RAB11FIP4: variants seen among roughly 807,000 people sequenced by gnomAD.
RAB11FIP4 encodes the protein rab11 family-interacting protein 4.
RAB11FIP4 carries 23 observed loss-of-function variants against 74.3 expected under a neutral mutation model. The ratio of observed to expected loss-of-function variants is 0.31; its 90% CI spans 0.22 to 0.44. RAB11FIP4 has a LOEUF of 0.44. Ranked by LOEUF, RAB11FIP4 falls within the 20% of genes least tolerant of loss-of-function variation. The probability of loss-of-function intolerance (pLI) is 1.00; values close to 1 mark genes in which losing one functional copy is unlikely to be tolerated. For synonymous variants in RAB11FIP4, 360 were observed against 359.9 expected (o/e 1.00, Z 0.00); for missense variants, 630 against 863.9 (o/e 0.73, Z 3.39).
At chr17:31,481,961 G>A (rs72815686) in intron 3 of RAB11FIP4, among the ~76,000 whole-genome samples, 113 of 152,158 alleles carry the variant, frequency 7.4e-4, no homozygotes, top group Non-Finnish European at 1.5e-3. Flanking sequence ...AAATCATCCC[G>A]GCCAGTGGAC....
Position 31,531,828 on chromosome 17 carries a change from T to C in RAB11FIP4, c.*96T>C, listed in dbSNP as rs1009784998. The C allele has an allele frequency of 1.2e-5, 9 of 771,586 alleles. No homozygotes were observed. Among genetic ancestry groups the C allele is most frequent in the Non-Finnish European group, 2.0e-5 (9 of 445,038 alleles). 47.8% of individuals were successfully genotyped at this position (771,586 alleles called of 1,614,324 possible). A position where few individuals can be genotyped will look rare whatever the true frequency, so the allele number is the denominator to read the frequency against. Reference sequence around the variant, plus strand: ...CCTAAGCCGGGCCTCACACTCACACTGTAAATGTCTCTCTGGCCACCATGC... The same window carrying C: ...CCTAAGCCGGGCCTCACACTCACACCGTAAATGTCTCTCTGGCCACCATGC... On this transcript the variant is annotated 3_prime_UTR_variant, in exon 15 of 15. Transcript: ENST00000621161.
chr17:31,500,994 G>T (rs2142769119), intron 3 of RAB11FIP4, among the ~76,000 whole-genome samples: 1 of 150,596 alleles, frequency 6.6e-6, no homozygotes, highest in Middle Eastern at 3.5e-3. Context: ...CTGCACTCCA[G>T]CCTGGTGACA....
At chr17:31,445,575 T>TAC (rs1567658412) in intron 3 of RAB11FIP4, among the ~76,000 whole-genome samples, 51 of 10,990 alleles carry the variant, frequency 4.6e-3, no homozygotes, top group African/African-American at 0.015. Context: ...TATATATATA[T>TAC]ATATTTTTTT....
intron 3 of RAB11FIP4, among the ~76,000 whole-genome samples, chr17:31,515,137 A>C (rs2072522871): frequency 6.6e-6 from 1 of 152,164 alleles, no homozygotes. Context: ...GTGGGATAAT[A>C]TGTGAATGCC....
chr17:31,525,050 G>T, intron 9 of RAB11FIP4, 40 bp from the exon 10 acceptor site: 2 of 1,549,374 alleles, frequency 1.3e-6, no homozygotes, highest in Non-Finnish European at 1.7e-6. Context: ...GGGGTGAAAT[G>T]GTGCAGGCCC....
At chr17:31,473,830 C>T (rs967868096) in intron 3 of RAB11FIP4, among the ~76,000 whole-genome samples, 6 of 152,162 alleles carry the variant, frequency 3.9e-5, no homozygotes, top group Non-Finnish European at 2.9e-5. Flanking sequence ...CAGTTGAAGT[C>T]GTCTGCACAC....
At chr17:31,430,162 A>G (rs530786504) in intron 1 of RAB11FIP4, among the ~76,000 whole-genome samples, 1 of 152,188 alleles carries the variant, frequency 6.6e-6, no homozygotes, top group Non-Finnish European at 1.5e-5. Context: ...AATGGGGAGG[A>G]CAGCTGTCCA....
At chr17:31,480,055 G>A (rs2071831166) in intron 3 of RAB11FIP4, among the ~76,000 whole-genome samples, 1 of 152,142 alleles carries the variant, frequency 6.6e-6, no homozygotes, top group South Asian at 2.1e-4. Flanking sequence ...CCATTTGACT[G>A]AGGAGGAAAC....
chr17:31,525,072 C>G lies in RAB11FIP4; in HGVS notation c.1134-18C>G. 1.3e-6 allele frequency: 2 copies of G among 1,550,106 alleles called. No homozygotes were observed. Among genetic ancestry groups the G allele is most frequent in the Non-Finnish European group, 8.7e-7 (1 of 1,147,036 alleles). On this transcript the variant is annotated intron_variant, in intron 9 of 14. Transcript: ENST00000621161. ...AATGGTGCAGGCCCCAAGAGCTTGC[C>G]CATTGCGCTGTCCTCAGGGTGCATG...
At chr17:31,497,651 C>T (rs985192573) in intron 3 of RAB11FIP4, among the ~76,000 whole-genome samples, 5 of 152,054 alleles carry the variant, frequency 3.3e-5, no homozygotes, top group Admixed American at 2.6e-4. Flanking sequence ...CAGGGTCTGG[C>T]TGGAGCAGTA....
intron 1 of RAB11FIP4, among the ~76,000 whole-genome samples, chr17:31,416,850 C>T (rs1198795340): frequency 2.0e-5 from 3 of 152,134 alleles, no homozygotes; most frequent in Admixed American, 6.5e-5. Context: ...TTGAGTGCTT[C>T]GAAGGCTGCC....
chr17:31,517,745 T>G lies in RAB11FIP4; in HGVS notation c.431T>G (p.Leu144Arg). ...GAGGACGAGGAGGAGGCTATGACGC[T>G]GGCGCCACCTGAGGGCCCCCAGGAG... ...FPEDEEEAMT[L>R]APPEGPQELY... is the part of the protein sequence containing the mutation. Residue 144 changes from leucine to arginine, a missense_variant, in exon 4 of 15, where the codon CTG (leucine) becomes CGG (arginine). Physicochemically the swap from Leu to Arg is moderately radical, Grantham distance 102. Transcript: ENST00000621161. 1 of 1,586,714 alleles carries G rather than the reference T, an allele frequency of 6.3e-7. No homozygotes were observed. The highest frequency in any genetic ancestry group is 8.6e-7 in the Non-Finnish European group (1 of 1,166,742).
intron 2 of RAB11FIP4, among the ~76,000 whole-genome samples, chr17:31,432,961 A>G (rs766310819): frequency 1.3e-4 from 20 of 152,158 alleles, no homozygotes; most frequent in Non-Finnish European, 2.4e-4. Flanking sequence ...CCTGGCCAAC[A>G]TGGCGAAACC....
At chr17:31,516,789 C>T (rs879109487) in intron 3 of RAB11FIP4, among the ~76,000 whole-genome samples, 3 of 152,226 alleles carry the variant, frequency 2.0e-5, no homozygotes, top group South Asian at 2.1e-4. Flanking sequence ...CGAAAGTACA[C>T]TCCACGGGAT....
At chr17:31,439,728 G>A (rs1399242381) in intron 3 of RAB11FIP4, among the ~76,000 whole-genome samples, 2 of 152,148 alleles carry the variant, frequency 1.3e-5, no homozygotes, top group East Asian at 3.9e-4. Context: ...CACCTGCCTC[G>A]GCCCCGCAAT....
chr17:31,426,776 A>AT (rs2071255753), intron 1 of RAB11FIP4, among the ~76,000 whole-genome samples: 1 of 150,428 alleles, frequency 6.6e-6, no homozygotes, highest in Admixed American at 6.6e-5. Flanking sequence ...TTTTTCTTGT[A>AT]TTTTTAGTAG....
rs1408561859 is a variant in RAB11FIP4 at position 31,444,784 on chromosome 17, T to C, written c.336+10662T>C. ...TGGGTTTTATGAACCTGTAGGACATTAACCACCTTCGTATATACCTTTCCA... is the reference window on the plus strand; with the variant it reads ...TGGGTTTTATGAACCTGTAGGACATCAACCACCTTCGTATATACCTTTCCA... On this transcript the variant is annotated intron_variant, in intron 3 of 14. Coordinates refer to ENST00000621161, the MANE Select transcript of RAB11FIP4 (RefSeq NM_032932.6). Among the ~76,000 whole-genome samples the C allele has an allele frequency of 2.0e-5, 3 of 152,238 alleles. 1 individual carries two copies. The South Asian group carries it at 6.2e-4, about 32-fold the overall frequency.
At chr17:31,513,064 C>T (rs890516802) in intron 3 of RAB11FIP4, among the ~76,000 whole-genome samples, 2 of 152,038 alleles carry the variant, frequency 1.3e-5, no homozygotes, top group African/African-American at 2.4e-5. Flanking sequence ...CTGGGGTGAG[C>T]GGGCAGCTCT....
intron 3 of RAB11FIP4, among the ~76,000 whole-genome samples, chr17:31,445,577 T>C (rs1441909591): frequency 4.0e-4 from 4 of 9,910 alleles, no homozygotes; most frequent in African/African-American, 1.7e-3. Context: ...TATATATATA[T>C]ATTTTTTTTT....
Sources: gnomAD v4.1 joint callset for allele counts (sites outside exome capture counted in the v4.1 genomes callset) on GRCh38, gnomAD v4.1.1 for gene constraint, MANE v1.5 for transcripts, NCBI Gene and HGNC (gene_info 2026-07-23, HGNC 2026-07-21) for gene names.